The following L3MBTL1 variants were observed in gnomAD, a reference collection of about 807,000 sequenced individuals.
L3MBTL1 encodes the protein lethal(3)malignant brain tumor-like protein 1.
Under a neutral mutation model 105.3 loss-of-function variants are expected in L3MBTL1, and 75 were observed. The ratio of observed to expected loss-of-function variants is 0.71; its 90% CI spans 0.59 to 0.86. The LOEUF (loss-of-function observed/expected upper bound fraction) is 0.86. L3MBTL1 is among the 40% of genes least tolerant of loss of function. The pLI is 0.00. For synonymous variants in L3MBTL1, 452 were observed against 436.2 expected (o/e 1.04, Z -0.45); for missense variants, 1,069 against 1,126.4 (o/e 0.95, Z 0.73).
At position 43,534,352 on chromosome 20, in the gene L3MBTL1, T is replaced by A; in HGVS notation, c.1668T>A (p.Ile556=). ...EAVDRRNPAL[I]RVASVEDVED... is the part of the protein sequence containing the mutation. Reference sequence around the variant, plus strand: ...TGGACCGCAGGAACCCAGCCCTGATTCGCGTGGCCAGCGTGGAGGATGTGG... The same window carrying A: ...TGGACCGCAGGAACCCAGCCCTGATACGCGTGGCCAGCGTGGAGGATGTGG... The change falls in exon 15 of 22, where the codon ATT becomes ATA. Residue 556 remains isoleucine (I), a synonymous_variant. Transcript: ENST00000418998. 1 of 1,614,114 alleles carries A rather than the reference T, an allele frequency of 6.2e-7. No individual in the cohort carries two copies. Among genetic ancestry groups the A allele is most frequent in the Middle Eastern group, 1.6e-4 (1 of 6,062 alleles).
chr20:43,508,059 G>A (rs1434400790), intron 1 of L3MBTL1, among the ~76,000 whole-genome samples: 2 of 152,130 alleles, frequency 1.3e-5, no homozygotes, highest in Non-Finnish European at 2.9e-5. Flanking sequence ...TCAATTAAGA[G>A]TTTTTTTATT....
chr20:43,539,582 A>G (rs1467226544), intron 19 of L3MBTL1: 1 of 189,596 alleles, frequency 5.3e-6, no homozygotes, highest in East Asian at 1.2e-4. Flanking sequence ...CATAGGCAGT[A>G]GTACAGACCG....
chr20:43,533,074 C>A (rs2019423960), intron 12 of L3MBTL1, 150 bp downstream of exon 12: 3 of 804,508 alleles, frequency 3.7e-6, no homozygotes, highest in Non-Finnish European at 5.9e-6. Context: ...TGAGCTTTAT[C>A]ATAAGAAATA....
chr20:43,540,243 T>C lies in L3MBTL1; in HGVS notation c.2266T>C (p.Cys756Arg). The C allele has an allele frequency of 6.2e-7, 1 of 1,613,838 alleles. No homozygotes were observed. ...RSLSVCWEQH[C>R]KLLPGVAGIS... is the part of the protein sequence containing the mutation. ...ACTCTCAGTGTGCTGGGAGCAGCAC[T>C]GCAAGCTCCTGCCAGGAGTAGCGGG... Residue 756 changes from cysteine to arginine, a missense_variant, in exon 20 of 22, where the codon TGC becomes CGC. Cys to Arg is a radical substitution (Grantham distance 180, BLOSUM62 -3). Coordinates refer to ENST00000418998, the MANE Select transcript of L3MBTL1 (RefSeq NM_001377303.1).
At chr20:43,534,181 T>C in intron 14 of L3MBTL1, 88 bp downstream of exon 14, 1 of 1,514,620 alleles carries the variant, frequency 6.6e-7, no homozygotes, top group Non-Finnish European at 9.1e-7. Flanking sequence ...CCTTCCCCTT[T>C]GGGCAGGCCC....
At chr20:43,547,919 TTCCTTTCTCCCTCCCTTC>T (rs1978727669) in intron 18 of L3MBTL1, among the ~76,000 whole-genome samples, 1 of 152,094 alleles carries the variant, frequency 6.6e-6, no homozygotes, top group Admixed American at 6.5e-5. Context: ...TCTTCCTTTT[TTCCTTTCTCCCTCCCTTC>T]TCCTTTCTCC....
downstream of L3MBTL1, among the ~76,000 whole-genome samples, chr20:43,543,084 CAGTG>C (rs1978333595): frequency 6.6e-6 from 1 of 151,150 alleles, no homozygotes. Context: ...CCAAATTTTC[CAGTG>C]AGTACTTGCA....
chr20:43,540,484 T>A (rs1165254580), intron 20 of L3MBTL1, among the ~76,000 whole-genome samples, 176 bp downstream of exon 20: 1 of 152,072 alleles, frequency 6.6e-6, no homozygotes, highest in Non-Finnish European at 1.5e-5. Flanking sequence ...CTGAGACCCT[T>A]CCTGATAGGT....
chr20:43,535,582 C>T (rs1600950572), intron 16 of L3MBTL1, among the ~76,000 whole-genome samples: 1 of 152,304 alleles, frequency 6.6e-6, no homozygotes, highest in East Asian at 1.9e-4. Context: ...GCTCTTCTCC[C>T]CCAGAGTTCT....
intron 20 of L3MBTL1, 21 bp from the exon 21 acceptor site, chr20:43,540,732 A>C: frequency 1.2e-6 from 2 of 1,613,630 alleles, no homozygotes; most frequent in Non-Finnish European, 1.7e-6. Flanking sequence ...CCTGGTCAAC[A>C]TGTCATCTTT....
At position 43,540,933 on chromosome 20, in the gene L3MBTL1, G is replaced by T; in HGVS notation, c.2395-1G>T. On this transcript the variant is annotated splice_acceptor_variant, in intron 21 of 21. Coordinates refer to ENST00000418998, the MANE Select transcript of L3MBTL1 (RefSeq NM_001377303.1). LOFTEE classifies it high-confidence loss of function. The stretch of plus-strand genomic sequence containing the variant: ...AGGAGGGACCCGTGTTGCCCCACCA[G>T]GCAAGAATAGTCAGAGTGACCCATG... The T allele has an allele frequency of 6.2e-7, 1 of 1,613,978 alleles. No homozygotes were observed. Among genetic ancestry groups the T allele is most frequent in the Non-Finnish European group, 8.5e-7 (1 of 1,179,912 alleles).
chr20:43,518,471 ATCT>A (rs1372391189), intron 7 of L3MBTL1, among the ~76,000 whole-genome samples: 3 of 152,146 alleles, frequency 2.0e-5, no homozygotes, highest in East Asian at 3.8e-4. Context: ...TGTCTCATAG[ATCT>A]TCTCCTTTTC....
downstream of L3MBTL1, among the ~76,000 whole-genome samples, chr20:43,545,065 C>T (rs531876717): frequency 6.6e-6 from 1 of 152,256 alleles, no homozygotes; most frequent in African/African-American, 2.4e-5. Flanking sequence ...ACTTCGAGAT[C>T]TCCCTGGCCA....
intron 13 of L3MBTL1, among the ~76,000 whole-genome samples, 189 bp from the exon 14 acceptor site, chr20:43,533,819 G>T (rs1295912071): frequency 6.6e-6 from 1 of 152,148 alleles, no homozygotes; most frequent in African/African-American, 2.4e-5. Context: ...TATTAGGGTG[G>T]TGCCTTGCTT....
chr20:43,521,134 G>A (rs1444587299), intron 7 of L3MBTL1, among the ~76,000 whole-genome samples: 1 of 152,174 alleles, frequency 6.6e-6, no homozygotes, highest in Non-Finnish European at 1.5e-5. Context: ...GTCTTAAAAT[G>A]AACTAATTAT....
rs1476262364 is a variant in L3MBTL1, at chr20:43,534,345, C to A, written c.1661C>A (p.Ala554Asp). The A allele has an allele frequency of 1.2e-6, 2 of 1,614,160 alleles. No homozygotes were observed. The highest frequency in any genetic ancestry group is 1.7e-6 in the Non-Finnish European group (2 of 1,180,012). The change falls in exon 15 of 22, where the codon GCC (alanine) becomes GAC (aspartate). Residue 554 changes from alanine (A) to aspartate (D), a missense_variant. By Grantham distance (126) the Ala-to-Asp change is moderately radical. Coordinates refer to ENST00000418998, the MANE Select transcript of L3MBTL1 (RefSeq NM_001377303.1). ...KLEAVDRRNP[A>D]LIRVASVEDV... Reference sequence around the variant, plus strand: ...GAGGCTGTGGACCGCAGGAACCCAGCCCTGATTCGCGTGGCCAGCGTGGAG... The same window carrying A: ...GAGGCTGTGGACCGCAGGAACCCAGACCTGATTCGCGTGGCCAGCGTGGAG...
At chr20:43,518,675 T>C (rs1161512000) in intron 7 of L3MBTL1, among the ~76,000 whole-genome samples, 2 of 151,756 alleles carry the variant, frequency 1.3e-5, no homozygotes, top group African/African-American at 4.8e-5. Flanking sequence ...TGGATACTGT[T>C]TTTTTTCCTA....
At chr20:43,508,996 C>T (rs541597432) in intron 1 of L3MBTL1, among the ~76,000 whole-genome samples, 1 of 152,144 alleles carries the variant, frequency 6.6e-6, no homozygotes. Context: ...GAGAGGCTGA[C>T]GGCAGAAGGC....
chr20:43,536,047 C>T (rs779076500), intron 17 of L3MBTL1, 50 bp from the exon 18 acceptor site: 2 of 1,605,346 alleles, frequency 1.2e-6, no homozygotes, highest in Non-Finnish European at 1.7e-6. Flanking sequence ...CTGAGGAGGG[C>T]TCAGCGGGGA....
Sources: allele counts gnomAD v4.1 joint callset (sites outside exome capture counted in the v4.1 genomes callset), GRCh38; gene constraint gnomAD v4.1.1; transcripts MANE v1.5; gene names NCBI Gene and HGNC (gene_info 2026-07-23, HGNC 2026-07-21).